The following CCDC69 variants were observed in gnomAD, a reference collection of about 807,000 sequenced individuals.
CCDC69 encodes coiled-coil domain-containing protein 69.
Under a neutral mutation model 40.3 loss-of-function variants are expected in CCDC69, and 38 were observed. The ratio of observed to expected loss-of-function variants is 0.94; its 90% CI spans 0.73 to 1.24. The LOEUF is 1.24. Among genes scored for constraint, CCDC69 ranks in the 50% most tolerant of loss-of-function variants. The probability of loss-of-function intolerance (pLI) is 0.00; values close to 1 mark genes in which losing one functional copy is unlikely to be tolerated. For synonymous variants in CCDC69, 141 were observed against 138.9 expected (o/e 1.02, Z -0.11); for missense variants, 389 against 357.9 (o/e 1.09, Z -0.70).
At chr5:151,222,897 C>T (rs1332647600) in intron 1 of CCDC69, among the ~76,000 whole-genome samples, 2 of 152,168 alleles carry the variant, frequency 1.3e-5, no homozygotes, top group East Asian at 1.9e-4. Context: ...GCAGAAAAAC[C>T]TGTACTCAGG....
In CCDC69 at chr5:151,182,720, C is replaced by A; in HGVS notation, c.*717G>T. ...AGGAGGGCTGAGGGGATGCACCTTG[C>A]CTGGTAAAGGAAGAGGAGCTCTGGC... On this transcript the variant is annotated 3_prime_UTR_variant, in exon 9 of 9. Transcript: ENST00000355417. The A allele has an allele frequency of 3.3e-6, 1 of 298,872 alleles. No homozygotes were observed. Among genetic ancestry groups the A allele is most frequent in the South Asian group, 3.0e-5 (1 of 33,814 alleles). The allele number at this position is 298,872 out of a possible 1,614,324, so 18.5% of individuals were successfully genotyped here. A position where few individuals can be genotyped will look rare whatever the true frequency, so the allele number is the denominator to read the frequency against.
At chr5:151,194,758 T>G (rs1386691644) in intron 4 of CCDC69, among the ~76,000 whole-genome samples, 1 of 152,022 alleles carries the variant, frequency 6.6e-6, no homozygotes, top group Non-Finnish European at 1.5e-5. Flanking sequence ...CTGGGCATAG[T>G]GGCACGTGCC....
At chr5:151,197,876 A>G (rs1752721836) in intron 4 of CCDC69, among the ~76,000 whole-genome samples, 2 of 152,216 alleles carry the variant, frequency 1.3e-5, no homozygotes, top group African/African-American at 4.8e-5. Context: ...TGCATATTGG[A>G]ATGCTATGTA....
Position 151,181,556 on chromosome 5 carries a change from G to T in CCDC69, c.*1881C>A, listed in dbSNP as rs1343605427. The T allele has an allele frequency of 6.6e-6, 1 of 152,324 alleles. No individual in the cohort carries two copies. Among genetic ancestry groups the T allele is most frequent in the Non-Finnish European group, 1.5e-5 (1 of 68,120 alleles). 9.4% of individuals were successfully genotyped at this position (152,324 alleles called of 1,614,324 possible). ...TCTAAAGCGCATTCTGCAGCCTGATGTGCCTGTGAGGTGAGAGGTGTGGGA... is the reference window on the plus strand; with the variant it reads ...TCTAAAGCGCATTCTGCAGCCTGATTTGCCTGTGAGGTGAGAGGTGTGGGA... On this transcript the variant is annotated 3_prime_UTR_variant, in exon 9 of 9. Transcript: ENST00000355417.
intron 3 of CCDC69, among the ~76,000 whole-genome samples, chr5:151,199,683 A>C (rs925055630): frequency 2.6e-5 from 4 of 152,054 alleles, no homozygotes; most frequent in African/African-American, 9.7e-5. Context: ...CCAGCATACC[A>C]CTGAGTTCCT....
intron 2 of CCDC69, 64 bp downstream of exon 2, chr5:151,205,336 T>C: frequency 3.3e-6 from 4 of 1,215,538 alleles, no homozygotes; most frequent in Admixed American, 1.7e-5. Flanking sequence ...GTATCATCTG[T>C]GTTGATTATA....
chr5:151,188,670 A>G lies in CCDC69; in HGVS notation c.320-1211T>C, dbSNP rs144296049. On this transcript the variant is annotated intron_variant, in intron 4 of 8. Transcript: ENST00000355417. ...GGTAGAGTAGTAAAAAATTTATAAG[A>G]ATTTATCAATATATAATATTTATAA... 3.9e-3 allele frequency among the ~76,000 whole-genome samples: 598 copies of G among 151,622 alleles called. 3 individuals are homozygous for G. The highest frequency in any genetic ancestry group is 0.012 in the African/African-American group (505 of 41,454).
At chr5:151,187,269 C>G (rs1359286247) in intron 5 of CCDC69, 117 bp downstream of exon 5, 3 of 805,292 alleles carry the variant, frequency 3.7e-6, no homozygotes, top group South Asian at 3.0e-5. Flanking sequence ...GCAATCACCT[C>G]AGCCCCTCAC....
chr5:151,220,385 G>T (rs989169637), intron 1 of CCDC69, among the ~76,000 whole-genome samples: 3 of 152,156 alleles, frequency 2.0e-5, no homozygotes, highest in Non-Finnish European at 4.4e-5. Context: ...CACTCTTAAG[G>T]TCACTTAATG....
intron 4 of CCDC69, among the ~76,000 whole-genome samples, chr5:151,191,253 AAGGAGACAT>A (rs2113987091): frequency 6.6e-6 from 1 of 152,316 alleles, no homozygotes; most frequent in African/African-American, 2.4e-5. Context: ...AAAGAACTGA[AAGGAGACAT>A]AGACAAATAT....
At chr5:151,184,487 C>A (rs755467027) in intron 7 of CCDC69, 46 bp from the exon 8 acceptor site, 1 of 1,264,380 alleles carries the variant, frequency 7.9e-7, no homozygotes. Context: ...ACTCACGCTG[C>A]ACGATGTGTG....
chr5:151,201,560 G>T lies in CCDC69; in HGVS notation c.231+22C>A, dbSNP rs73796627. 1,416 of 1,515,242 alleles carry T rather than the reference G, an allele frequency of 9.3e-4. 9 individuals carry two copies. In the African/African-American group the frequency reaches 0.017, roughly 18 times the overall value. The allele number at this position is 1,515,242 out of a possible 1,614,324, so 93.9% of individuals were successfully genotyped here. On this transcript the variant is annotated intron_variant, in intron 3 of 8. Transcript: ENST00000355417. ...GTTAGCTGAGCAGGAGAAAGACAGG[G>T]GGTGGGGGCACCTGGACTTACCTGT...
At chr5:151,193,083 C>A (rs74995440) in intron 4 of CCDC69, among the ~76,000 whole-genome samples, 1 of 151,920 alleles carries the variant, frequency 6.6e-6, no homozygotes. Context: ...GCAAATAATA[C>A]GCCATTTTAT....
chr5:151,210,102 G>A (rs181921976), intron 1 of CCDC69, among the ~76,000 whole-genome samples: 32 of 152,026 alleles, frequency 2.1e-4, no homozygotes, highest in African/African-American at 4.8e-4. Flanking sequence ...AATATATTAC[G>A]AGCACTTACT....
At chr5:151,221,068 C>G (rs192160851) in intron 1 of CCDC69, among the ~76,000 whole-genome samples, 74 of 152,264 alleles carry the variant, frequency 4.9e-4, no homozygotes, top group African/African-American at 1.8e-3. Flanking sequence ...CATTTATTCC[C>G]AGCATTTCAA....
intron 1 of CCDC69, among the ~76,000 whole-genome samples, chr5:151,218,934 A>G (rs1161733718): frequency 6.6e-6 from 1 of 152,242 alleles, no homozygotes; most frequent in East Asian, 1.9e-4. Flanking sequence ...TCAAAGGCAG[A>G]GAGTATTGGG....
At chr5:151,212,971 A>T (rs1752974681) in intron 1 of CCDC69, 2 of 443,342 alleles carry the variant, frequency 4.5e-6, no homozygotes, top group South Asian at 3.2e-5. Context: ...GAGGTTGGAG[A>T]GTCAAACTTC....
At chr5:151,218,815 G>A (rs1487602794) in intron 1 of CCDC69, among the ~76,000 whole-genome samples, 2 of 152,192 alleles carry the variant, frequency 1.3e-5, no homozygotes, top group African/African-American at 2.4e-5. Flanking sequence ...AGGTATCTGG[G>A]AACTCGTCAG....
At chr5:151,219,477 T>C (rs182927245) in intron 1 of CCDC69, among the ~76,000 whole-genome samples, 1 of 151,930 alleles carries the variant, frequency 6.6e-6, no homozygotes, top group Admixed American at 6.6e-5. Context: ...GAACCACGCG[T>C]CCAAACCGGT....
Sources: allele counts gnomAD v4.1 joint callset (sites outside exome capture counted in the v4.1 genomes callset), GRCh38; gene constraint gnomAD v4.1.1; transcripts MANE v1.5; gene names NCBI Gene and HGNC (gene_info 2026-07-23, HGNC 2026-07-21).